The following PDIA5 variants were observed in gnomAD, a reference collection of about 807,000 sequenced individuals.
PDIA5 encodes the protein protein disulfide-isomerase A5.
Under a neutral mutation model 77.6 loss-of-function variants are expected in PDIA5, and 58 were observed. The observed-to-expected ratio is 0.75, with a 90% CI of 0.61 to 0.93. The LOEUF (loss-of-function observed/expected upper bound fraction) is 0.93, where lower values mean the gene tolerates loss of function less well. Among genes scored for constraint, PDIA5 ranks in the 40% least tolerant of loss-of-function variants. The pLI is 0.00. For synonymous variants in PDIA5, 250 were observed against 252.1 expected (o/e 0.99, Z 0.08); for missense variants, 630 against 647.7 (o/e 0.97, Z 0.30).
At position 123,099,799 on chromosome 3, in the gene PDIA5, G is replaced by A. The variant is rs541034098; in HGVS notation, c.258-2612G>A. On this transcript the variant is annotated intron_variant, in intron 3 of 16. Transcript: ENST00000316218. The stretch of plus-strand genomic sequence containing the variant: ...CACAGAGTGGACCAGGATTGGCGTG[G>A]AAATGAACCAAGCCCCTGTTTCCTC... Among the ~76,000 whole-genome samples, 5 of 152,372 alleles carry A rather than the reference G, an allele frequency of 3.3e-5. No individual in the cohort carries two copies. In the South Asian group the frequency reaches 1.0e-3, roughly 32 times the overall value.
intron 7 of PDIA5, among the ~76,000 whole-genome samples, chr3:123,115,589 A>C (rs1229898012): frequency 4.6e-5 from 7 of 152,176 alleles, no homozygotes; most frequent in African/African-American, 1.7e-4. Flanking sequence ...AGAGGAGGTG[A>C]CTTCTCCAAG....
chr3:123,092,633 T>A (rs1440235253), intron 3 of PDIA5, among the ~76,000 whole-genome samples, 191 bp downstream of exon 3: 2 of 152,144 alleles, frequency 1.3e-5, no homozygotes, highest in Non-Finnish European at 2.9e-5. Flanking sequence ...ACCCCTTTCT[T>A]CCCAGCCCAG....
In PDIA5 at chr3:123,069,225, G is replaced by A. The variant is rs192324345; in HGVS notation, c.42+2019G>A. Reference sequence around the variant, plus strand: ...AGTGCTCCCCAGGTTCCTGGAAGCCGGTTGGGTTTCTTTGTTCACTCAATA... The same window carrying A: ...AGTGCTCCCCAGGTTCCTGGAAGCCAGTTGGGTTTCTTTGTTCACTCAATA... On this transcript the variant is annotated intron_variant, in intron 1 of 16. Coordinates refer to ENST00000316218, the MANE Select transcript of PDIA5 (RefSeq NM_006810.4). Among the ~76,000 whole-genome samples the A allele has an allele frequency of 1.3e-4, 20 of 152,242 alleles. No individual in the cohort carries two copies. The East Asian group carries it at 2.5e-3, about 19-fold the overall frequency.
intron 1 of PDIA5, among the ~76,000 whole-genome samples, chr3:123,085,330 C>A (rs548433070): frequency 1.8e-4 from 27 of 152,238 alleles, no homozygotes; most frequent in African/African-American, 6.5e-4. Context: ...CATTAGGCTT[C>A]AAAACCGGAT....
At chr3:123,131,221 G>A (rs1935363168) in intron 11 of PDIA5, among the ~76,000 whole-genome samples, 1 of 152,128 alleles carries the variant, frequency 6.6e-6, no homozygotes, top group South Asian at 2.1e-4. Context: ...AGTGAACTGT[G>A]ATTGTGCCAC....
intron 1 of PDIA5, among the ~76,000 whole-genome samples, chr3:123,082,786 T>G (rs1371745429): frequency 6.6e-6 from 1 of 152,214 alleles, no homozygotes; most frequent in Non-Finnish European, 1.5e-5. Flanking sequence ...TGAGCCACTC[T>G]GCAAGGTGGG....
intron 5 of PDIA5, among the ~76,000 whole-genome samples, chr3:123,104,138 A>G (rs1378331239): frequency 6.6e-6 from 1 of 152,226 alleles, no homozygotes; most frequent in Non-Finnish European, 1.5e-5. Flanking sequence ...TACAAAGACC[A>G]GACGTGTGAG....
chr3:123,128,797 C>T (rs1446148885), intron 10 of PDIA5, among the ~76,000 whole-genome samples: 3 of 152,198 alleles, frequency 2.0e-5, no homozygotes, highest in Non-Finnish European at 2.9e-5. Flanking sequence ...CCTCCTTATC[C>T]TCCCTCCTAT....
chr3:123,071,215 G>A (rs151234080), intron 1 of PDIA5, among the ~76,000 whole-genome samples: 136 of 152,160 alleles, frequency 8.9e-4, no homozygotes, highest in Middle Eastern at 3.4e-3. Flanking sequence ...TAGGAGAATA[G>A]CGAGGCTTAG....
At chr3:123,154,438 G>T (rs1416864703) in intron 14 of PDIA5, among the ~76,000 whole-genome samples, 1 of 152,190 alleles carries the variant, frequency 6.6e-6, no homozygotes, top group African/African-American at 2.4e-5. Context: ...GCTGCTCACA[G>T]TCTGGGCTGG....
At chr3:123,089,060 T>C (rs2107919289) in intron 1 of PDIA5, 108 bp from the exon 2 acceptor site, 1 of 1,094,860 alleles carries the variant, frequency 9.1e-7, no homozygotes, top group Non-Finnish European at 1.3e-6. Flanking sequence ...TGGTTTGCCC[T>C]CATCCTCTGG....
intron 10 of PDIA5, among the ~76,000 whole-genome samples, chr3:123,128,756 A>G (rs933142708): frequency 1.3e-5 from 2 of 152,174 alleles, no homozygotes; most frequent in Non-Finnish European, 2.9e-5. Flanking sequence ...CTTAAAAAGA[A>G]TACATTCAAA....
Position 123,110,984 on chromosome 3 carries a change from T to C in PDIA5, c.521T>C (p.Leu174Pro). ...CTGAAGAAGGAAGAGAAGCCGCTCC[T>C]GATCATGTTTTATGCCCCCTGTGAG... ...RLLKKEEKPL[L>P]IMFYAPWCSM... is the part of the protein sequence containing the mutation. The change falls in exon 7 of 17, where the codon CTG becomes CCG. Residue 174 changes from leucine (L) to proline (P), a missense_variant. Transcript: ENST00000316218. The C allele has an allele frequency of 6.2e-7, 1 of 1,613,842 alleles. No homozygotes were observed. Among genetic ancestry groups the C allele is most frequent in the Non-Finnish European group, 8.5e-7 (1 of 1,179,850 alleles).
At chr3:123,123,092 C>T (rs758169360) in intron 8 of PDIA5, among the ~76,000 whole-genome samples, 15 of 151,924 alleles carry the variant, frequency 9.9e-5, no homozygotes, top group Non-Finnish European at 1.8e-4. Flanking sequence ...CTGGGCAACA[C>T]AGCAAGACCT....
chr3:123,115,092 G>T (rs950053942), intron 7 of PDIA5, among the ~76,000 whole-genome samples: 1 of 152,208 alleles, frequency 6.6e-6, no homozygotes, highest in Non-Finnish European at 1.5e-5. Flanking sequence ...TGGGCTGCCT[G>T]TCGCCACATG....
At chr3:123,149,659 A>G (rs927586769) in intron 13 of PDIA5, among the ~76,000 whole-genome samples, 2 of 152,226 alleles carry the variant, frequency 1.3e-5, no homozygotes, top group African/African-American at 4.8e-5. Flanking sequence ...TTGACTGAGT[A>G]GATGCTTTTC....
At chr3:123,113,074 T>C (rs1307421766) in intron 7 of PDIA5, among the ~76,000 whole-genome samples, 1 of 152,210 alleles carries the variant, frequency 6.6e-6, no homozygotes, top group African/African-American at 2.4e-5. Flanking sequence ...TGTTTCTTCT[T>C]GGAGGAATAT....
chr3:123,069,589 T>C (rs957073679), intron 1 of PDIA5, among the ~76,000 whole-genome samples: 3 of 152,126 alleles, frequency 2.0e-5, no homozygotes, highest in Admixed American at 1.3e-4. Flanking sequence ...AGGACCCTCC[T>C]CCAGAAGACT....
intron 15 of PDIA5, among the ~76,000 whole-genome samples, chr3:123,157,059 G>C (rs1249279043): frequency 6.6e-6 from 1 of 152,208 alleles, no homozygotes; most frequent in Non-Finnish European, 1.5e-5. Flanking sequence ...GGCCAGTGGT[G>C]TTGTGGCCTT....
Sources: gnomAD v4.1 joint callset for allele counts (sites outside exome capture counted in the v4.1 genomes callset) on GRCh38, gnomAD v4.1.1 for gene constraint, MANE v1.5 for transcripts, NCBI Gene and HGNC (gene_info 2026-07-23, HGNC 2026-07-21) for gene names.